Variants in RIPOR3 observed in about 807,000 individuals in gnomAD.
RIPOR3 encodes family with sequence similarity 65 member C.
In RIPOR3, 95 loss-of-function variants were observed where a neutral mutation model predicts 114.3. The observed-to-expected ratio is 0.83, with a 90% confidence interval of 0.70 to 0.99. The LOEUF (loss-of-function observed/expected upper bound fraction) is 0.99. RIPOR3 is among the 50% of genes least tolerant of loss of function. The probability of loss-of-function intolerance (pLI) is 0.00; values close to 1 mark genes in which losing one functional copy is unlikely to be tolerated. For missense variants in RIPOR3, 1,252 were observed against 1,266.9 expected, an observed-to-expected ratio of 0.99 and a Z score of 0.18; for synonymous variants, 575 against 543.8, an observed-to-expected ratio of 1.06 and a Z score of -0.80.
intron 1 of RIPOR3, among the ~76,000 whole-genome samples, chr20:50,647,478 CTTT>C (rs942940961): frequency 1.0e-5 from 1 of 100,350 alleles, no homozygotes; most frequent in African/African-American, 3.9e-5. Flanking sequence ...GCCTCATTCT[CTTT>C]TTTTTTTTTT....
At position 50,587,166 on chromosome 20, in the gene RIPOR3, G is replaced by A; in HGVS notation, c.*66C>T. The A allele has an allele frequency of 1.6e-6, 2 of 1,228,728 alleles. No individual in the cohort carries two copies. Among genetic ancestry groups the A allele is most frequent in the Non-Finnish European group, 2.4e-6 (2 of 836,336 alleles). The allele number at this position is 1,228,728 out of a possible 1,614,324, so 76.1% of individuals were successfully genotyped here. ...CACAGCACCATTACCCAGAGTGCAG[G>A]CTATGTCCAGGCTGGGCAGCAGCAA... On this transcript the variant is annotated 3_prime_UTR_variant, in exon 22 of 22. Coordinates refer to ENST00000327979, the MANE Select transcript of RIPOR3 (RefSeq NM_001290268.2).
chr20:50,600,837 C>T (rs2122967781), intron 13 of RIPOR3, among the ~76,000 whole-genome samples: 1 of 152,214 alleles, frequency 6.6e-6, no homozygotes, highest in East Asian at 1.9e-4. Flanking sequence ...TCAGGCAGGT[C>T]CTTTTTAACA....
chr20:50,671,428 G>GCGCACA (rs1234819893), intron 1 of RIPOR3, among the ~76,000 whole-genome samples: 2 of 38,158 alleles, frequency 5.2e-5, no homozygotes, highest in Admixed American at 3.9e-4. Context: ...ACGCGCGCGC[G>GCGCACA]CACACACACA....
Position 50,620,071 on chromosome 20 carries a change from C to T in RIPOR3, c.184G>A (p.Gly62Ser), listed in dbSNP as rs770467015. ...RMPAKSSKMY[G>S]TLRKGSVCAD... ...CAGACCGACCCCTTCCGCAGCGTGC[C>T]GTACATCTTGGAGGATTTTGCAGGC... The change falls in exon 3 of 22, where the codon GGC (glycine) becomes AGC (serine). Residue 62 changes from glycine (G) to serine (S), a missense_variant. Gly to Ser is a moderately conservative substitution (Grantham distance 56, BLOSUM62 0). Transcript: ENST00000327979. The T allele has an allele frequency of 1.9e-6, 3 of 1,614,054 alleles. No individual in the cohort carries two copies. In the South Asian group the frequency reaches 3.3e-5, roughly 18 times the overall value.
chr20:50,597,306 G>T (rs556545252), intron 14 of RIPOR3: 62 of 438,234 alleles, frequency 1.4e-4, no homozygotes, highest in South Asian at 1.4e-3. Flanking sequence ...TATTTTTAAG[G>T]TTTAAAAAAT....
Position 50,619,984 on chromosome 20 carries a change from A to C in RIPOR3, c.269+2T>G, listed in dbSNP as rs781347934. On this transcript the variant is annotated splice_donor_variant, in intron 3 of 21. Coordinates refer to ENST00000327979, the MANE Select transcript of RIPOR3 (RefSeq NM_001290268.2). LOFTEE classifies it high-confidence loss of function. ...TAAAGGCAGCACACAGCCCAGCCTT[A>C]CTTGAGGCCTCTTTTCAATGCTTCG... is the stretch of plus-strand genomic sequence containing the variant. 4 of 1,611,024 alleles carry C rather than the reference A, an allele frequency of 2.5e-6. No individual in the cohort carries two copies. The Admixed American group carries it at 6.7e-5, about 27-fold the overall frequency.
chr20:50,646,400 G>A (rs2085401560), intron 1 of RIPOR3, among the ~76,000 whole-genome samples: 1 of 152,120 alleles, frequency 6.6e-6, no homozygotes, highest in South Asian at 2.1e-4. Context: ...CCAAAGTGCT[G>A]GGATTACAGG....
chr20:50,593,093 G>T lies in RIPOR3; in HGVS notation c.2316C>A (p.Tyr772Ter). Residue 772 changes from tyrosine (Y) to a stop codon, truncating the protein, a stop_gained, in exon 18 of 22, where the codon TAC (tyrosine) becomes TAA (stop). Coordinates refer to ENST00000327979, the MANE Select transcript of RIPOR3 (RefSeq NM_001290268.2). LOFTEE classifies it high-confidence loss of function. The stretch of plus-strand genomic sequence containing the variant: ...GGTCAGAGACGCTCTGCCTCTGCAG[G>T]TAGCTGTGAAACTGGAACCAGGTAA... ...QIITWFQFHS[Y>*]LQRQSVSDLE... 6.2e-7 allele frequency: 1 copy of T among 1,614,156 alleles called. No individual in the cohort carries two copies. The highest frequency in any genetic ancestry group is 8.5e-7 in the Non-Finnish European group (1 of 1,180,048).
At chr20:50,615,156 G>A (rs74810160) in intron 4 of RIPOR3, among the ~76,000 whole-genome samples, 2,101 of 104,572 alleles carry the variant, frequency 0.02, 17 homozygotes, top group East Asian at 0.056. Context: ...TTGCTAAGTC[G>A]GTCTCTGCTA....
At chr20:50,621,113 A>G in intron 2 of RIPOR3, 1 of 229,726 alleles carries the variant, frequency 4.4e-6, no homozygotes, top group Non-Finnish European at 8.0e-6. Flanking sequence ...AATATAGAAC[A>G]GCTTGACAAA....
chr20:50,667,657 G>A (rs1488115140), intron 1 of RIPOR3, among the ~76,000 whole-genome samples: 1 of 152,194 alleles, frequency 6.6e-6, no homozygotes, highest in African/African-American at 2.4e-5. Flanking sequence ...TGCATAGAGA[G>A]GGGAGGGCAG....
At chr20:50,593,893 TG>T (rs2083195720) in intron 17 of RIPOR3, among the ~76,000 whole-genome samples, 1 of 151,980 alleles carries the variant, frequency 6.6e-6, no homozygotes, top group South Asian at 2.1e-4. Context: ...GATACCCTCG[TG>T]GGCCCCTGCC....
chr20:50,605,549 A>T (rs1223196932), intron 11 of RIPOR3, among the ~76,000 whole-genome samples: 1 of 152,138 alleles, frequency 6.6e-6, no homozygotes, highest in Non-Finnish European at 1.5e-5. Flanking sequence ...CAGGCAGATG[A>T]CTTGAGCTCA....
Position 50,608,442 on chromosome 20 carries a change from C to T in RIPOR3, c.903G>A (p.Val301=). The part of the protein sequence containing the change: ...DFFTTRPQVI[V]VDITELGTIK... ...TGGTACCCAACTCCGTGATGTCCACCACGATGACCTGCGGCCGCGTCGTGA... is the reference window on the plus strand; with the variant it reads ...TGGTACCCAACTCCGTGATGTCCACTACGATGACCTGCGGCCGCGTCGTGA... The change falls in exon 11 of 22, where the codon GTG becomes GTA. Residue 301 remains valine (V), a synonymous_variant. Coordinates refer to ENST00000327979, the MANE Select transcript of RIPOR3 (RefSeq NM_001290268.2). The T allele has an allele frequency of 6.2e-7, 1 of 1,614,054 alleles. No individual in the cohort carries two copies. Among genetic ancestry groups the T allele is most frequent in the South Asian group, 1.1e-5 (1 of 91,084 alleles).
intron 1 of RIPOR3, among the ~76,000 whole-genome samples, chr20:50,633,980 CTT>C (rs375758598): frequency 0.024 from 3,161 of 130,766 alleles, 107 homozygotes; most frequent in African/African-American, 0.087. Context: ...TCTTTCTTTT[CTT>C]TTTTTTTTTT....
At chr20:50,624,052 G>A (rs1196948914) in intron 2 of RIPOR3, among the ~76,000 whole-genome samples, 1 of 152,166 alleles carries the variant, frequency 6.6e-6, no homozygotes, top group Non-Finnish European at 1.5e-5. Flanking sequence ...GGCCAGGCTG[G>A]TCTTGAACTC....
At chr20:50,686,113 G>A (rs1401721990) in intron 1 of RIPOR3, among the ~76,000 whole-genome samples, 1 of 152,008 alleles carries the variant, frequency 6.6e-6, no homozygotes, top group African/African-American at 2.4e-5. Context: ...CTGGAGTGCA[G>A]TGGCGCAATC....
At chr20:50,616,999 G>C (rs932050007) in intron 3 of RIPOR3, among the ~76,000 whole-genome samples, 8 of 152,134 alleles carry the variant, frequency 5.3e-5, no homozygotes, top group Admixed American at 6.6e-5. Flanking sequence ...AAACTTAGCC[G>C]GGCATGGTGG....
At chr20:50,671,987 TG>T (rs2086523261) in intron 1 of RIPOR3, among the ~76,000 whole-genome samples, 1 of 5,890 alleles carries the variant, frequency 1.7e-4, no homozygotes, top group East Asian at 0.045. Context: ...GGTGCGTGGA[TG>T]GATGGATGGA....
Sources: allele counts gnomAD v4.1 joint callset (sites outside exome capture counted in the v4.1 genomes callset), GRCh38; gene constraint gnomAD v4.1.1; transcripts MANE v1.5; gene names NCBI Gene and HGNC (gene_info 2026-07-23, HGNC 2026-07-21).